Variants in NXPH1 observed in about 807,000 individuals in gnomAD.
NXPH1 encodes neurexophilin-1.
A neutral mutation model predicts 23.7 loss-of-function variants in NXPH1; 5 were observed. The observed-to-expected ratio is 0.21, with a 90% CI of 0.11 to 0.44. The LOEUF (loss-of-function observed/expected upper bound fraction) is 0.44, where lower values mean the gene tolerates loss of function less well. Among genes scored for constraint, NXPH1 ranks in the 20% least tolerant of loss-of-function variants. The probability of loss-of-function intolerance (pLI) is 0.99; values close to 1 mark genes in which losing one functional copy is unlikely to be tolerated. For missense variants in NXPH1, 324 were observed against 321.6 expected (o/e 1.01, Z -0.06); for synonymous variants, 144 against 122.2 (o/e 1.18, Z -1.18).
chr7:8,495,950 T>C (rs1817331649), intron 2 of NXPH1, among the ~76,000 whole-genome samples: 1 of 152,138 alleles, frequency 6.6e-6, no homozygotes, highest in South Asian at 2.1e-4. Flanking sequence ...TGTGGGCTTG[T>C]CATGGGTCTT....
rs552048280 is a variant in NXPH1, at chr7:8,668,513, C to T, written c.55-82495C>T. Among the ~76,000 whole-genome samples the T allele has an allele frequency of 5.9e-5, 9 of 152,216 alleles. No homozygotes were observed. The East Asian group carries it at 7.7e-4, about 13-fold the overall frequency. On this transcript the variant is annotated intron_variant, in intron 2 of 2. Transcript: ENST00000405863. ...TGATGCCTGGGTCCATGGGATTGGG[C>T]CTGAATCCTGGATCCACTTGGGTAG...
intron 2 of NXPH1, among the ~76,000 whole-genome samples, chr7:8,653,534 TC>T (rs1320240627): frequency 6.6e-6 from 1 of 152,222 alleles, no homozygotes; most frequent in African/African-American, 2.4e-5. Context: ...AATCATCCAA[TC>T]TTTTGGCTTT....
At chr7:8,708,935 T>G (rs978419157) in intron 2 of NXPH1, among the ~76,000 whole-genome samples, 1 of 152,124 alleles carries the variant, frequency 6.6e-6, no homozygotes, top group Non-Finnish European at 1.5e-5. Context: ...AGTCAGAATC[T>G]GCATTTTAAC....
At chr7:8,569,866 A>T (rs1818613636) in intron 2 of NXPH1, among the ~76,000 whole-genome samples, 1 of 151,860 alleles carries the variant, frequency 6.6e-6, no homozygotes, top group Non-Finnish European at 1.5e-5. Flanking sequence ...ACTTTGGTCT[A>T]TTACTGGTTG....
chr7:8,747,589 CT>C (rs1043893322), intron 2 of NXPH1, among the ~76,000 whole-genome samples: 4 of 152,146 alleles, frequency 2.6e-5, no homozygotes, highest in Non-Finnish European at 5.9e-5. Context: ...TGTATTTATT[CT>C]TTTTGCCACA....
At chr7:8,624,404 C>T (rs1200690325) in intron 2 of NXPH1, among the ~76,000 whole-genome samples, 1 of 152,084 alleles carries the variant, frequency 6.6e-6, no homozygotes, top group Non-Finnish European at 1.5e-5. Context: ...CATAGTCAGA[C>T]ACAGCAGATG....
chr7:8,509,531 G>A (rs573691530), intron 2 of NXPH1, among the ~76,000 whole-genome samples: 5 of 152,026 alleles, frequency 3.3e-5, no homozygotes, highest in African/African-American at 4.8e-5. Context: ...GGAGGCAATC[G>A]TAAGGAAATT....
At chr7:8,537,387 G>A (rs1049297633) in intron 2 of NXPH1, among the ~76,000 whole-genome samples, 1 of 152,072 alleles carries the variant, frequency 6.6e-6, no homozygotes, top group Non-Finnish European at 1.5e-5. Flanking sequence ...TGGCATGGCT[G>A]GGAGGCATCA....
At chr7:8,719,553 AATTAT>A (rs1404477911) in intron 2 of NXPH1, among the ~76,000 whole-genome samples, 8 of 152,314 alleles carry the variant, frequency 5.3e-5, no homozygotes, top group East Asian at 1.9e-4. Context: ...TATTAATGAA[AATTAT>A]ATTATATTTG....
chr7:8,634,438 C>G (rs1820183693), intron 2 of NXPH1, among the ~76,000 whole-genome samples: 1 of 152,050 alleles, frequency 6.6e-6, no homozygotes, highest in South Asian at 2.1e-4. Flanking sequence ...AAGTCTTTTA[C>G]TTTGTAAATT....
intron 2 of NXPH1, among the ~76,000 whole-genome samples, chr7:8,748,985 T>C (rs1325832927): frequency 6.6e-6 from 1 of 152,202 alleles, no homozygotes; most frequent in East Asian, 1.9e-4. Flanking sequence ...TTACAAGATC[T>C]AAGAGCTTTT....
chr7:8,739,865 C>T (rs1463586367), intron 2 of NXPH1, among the ~76,000 whole-genome samples: 3 of 152,020 alleles, frequency 2.0e-5, no homozygotes, highest in Non-Finnish European at 2.9e-5. Context: ...ACATATTAGC[C>T]TAGGCCTACA....
At chr7:8,616,282 C>CA (rs35317181) in intron 2 of NXPH1, among the ~76,000 whole-genome samples, 55,256 of 151,640 alleles carry the variant, frequency 0.36, 11,235 homozygotes, top group African/African-American at 0.56. Flanking sequence ...GTTCTCTGCC[C>CA]AAACACTTTC....
At chr7:8,474,825 T>C (rs1373255322) in intron 2 of NXPH1, among the ~76,000 whole-genome samples, 1 of 152,140 alleles carries the variant, frequency 6.6e-6, no homozygotes, top group Non-Finnish European at 1.5e-5. Flanking sequence ...ATTATCCACT[T>C]CCCACTGGCT....
intron 2 of NXPH1, among the ~76,000 whole-genome samples, chr7:8,622,335 A>G (rs766223308): frequency 1.3e-5 from 2 of 152,202 alleles, no homozygotes; most frequent in African/African-American, 4.8e-5. Flanking sequence ...AAAGTATTTA[A>G]GTAGCTTATA....
At chr7:8,602,316 A>T (rs1819379844) in intron 2 of NXPH1, among the ~76,000 whole-genome samples, 1 of 152,190 alleles carries the variant, frequency 6.6e-6, no homozygotes, top group Non-Finnish European at 1.5e-5. Context: ...AAACTCAAAA[A>T]TCTTTACTTG....
At chr7:8,531,847 G>T (rs1007345456) in intron 2 of NXPH1, among the ~76,000 whole-genome samples, 3 of 152,156 alleles carry the variant, frequency 2.0e-5, no homozygotes, top group African/African-American at 7.2e-5. Flanking sequence ...TCCATCTGGT[G>T]TTAAAGCAGT....
intron 2 of NXPH1, among the ~76,000 whole-genome samples, chr7:8,729,643 AG>A: frequency 7.2e-6 from 1 of 138,618 alleles, no homozygotes; most frequent in South Asian, 2.4e-4. Context: ...CATGTAGTTG[AG>A]CGGTTTTGAG....
Position 8,619,692 on chromosome 7 carries a change from C to G in NXPH1, c.55-131316C>G, listed in dbSNP as rs79325880. On this transcript the variant is annotated intron_variant, in intron 2 of 2. Transcript: ENST00000405863. The stretch of plus-strand genomic sequence containing the variant: ...TATCATGTCTTATCTTATTCTCCAG[C>G]GTATTTTTTAAGTGGGAAACTGAGT... Among the ~76,000 whole-genome samples, 3 of 152,068 alleles carry G rather than the reference C, an allele frequency of 2.0e-5. No individual in the cohort carries two copies. The South Asian group carries it at 6.2e-4, about 32-fold the overall frequency.
Sources: allele counts gnomAD v4.1 joint callset (sites outside exome capture counted in the v4.1 genomes callset), GRCh38; gene constraint gnomAD v4.1.1; transcripts MANE v1.5; gene names NCBI Gene and HGNC (gene_info 2026-07-23, HGNC 2026-07-21).